ATG2A: variants seen among roughly 807,000 people sequenced by gnomAD.
The protein encoded by ATG2A is autophagy-related protein 2 homolog A.
A neutral mutation model predicts 214.2 loss-of-function variants in ATG2A; 103 were observed. The ratio of observed to expected loss-of-function variants is 0.48; its 90% confidence interval spans 0.41 to 0.57. The LOEUF (loss-of-function observed/expected upper bound fraction) is 0.57. Among genes scored for constraint, ATG2A ranks in the 20% least tolerant of loss-of-function variants. ATG2A has a pLI of 0.00. For synonymous variants in ATG2A, 1,160 were observed against 1,142.1 expected (o/e 1.02, Z -0.32); for missense variants, 2,312 against 2,613.2 (o/e 0.88, Z 2.51).
chr11:64,898,602 C>G lies in ATG2A; in HGVS notation c.4671+34G>C. The G allele has an allele frequency of 6.2e-7, 1 of 1,603,514 alleles. No individual in the cohort carries two copies. Among genetic ancestry groups the G allele is most frequent in the Non-Finnish European group, 8.5e-7 (1 of 1,171,004 alleles). On this transcript the variant is annotated intron_variant, in intron 32 of 40. Coordinates refer to ENST00000377264, the MANE Select transcript of ATG2A (RefSeq NM_015104.3). The surrounding 1 kb of genome is among the most constrained non-coding windows in gnomAD (Gnocchi z 4.5). ...GATGTATCCCCAACGGTCTGGTGCC[C>G]TGCCCCAGGGTGGATGGTGCAGGTC... is the stretch of plus-strand genomic sequence containing the variant.
chr11:64,895,019 T>C lies in ATG2A; in HGVS notation c.5771A>G (p.His1924Arg), dbSNP rs911843956. ...GMRNQIVPDA[H>R]KDHALKWRSD... Reference sequence around the variant, plus strand: ...GCGCCACTTGAGGGCGTGGTCCTTGTGGGCGTCGGGGACAATCTGGTTGCG... The same window carrying C: ...GCGCCACTTGAGGGCGTGGTCCTTGCGGGCGTCGGGGACAATCTGGTTGCG... Residue 1924 changes from histidine (H) to arginine (R), a missense_variant, in exon 41 of 41, where the codon CAC (histidine) becomes CGC (arginine). Physicochemically the swap from His to Arg is conservative, Grantham distance 29. Transcript: ENST00000377264. The surrounding 1 kb of genome is among the most constrained non-coding windows in gnomAD (Gnocchi z 5.0). The C allele has an allele frequency of 4.3e-6, 7 of 1,613,040 alleles. No homozygotes were observed. The African/African-American group carries it at 9.3e-5, about 22-fold the overall frequency.
rs1209494159 is a variant in ATG2A, at chr11:64,914,268, C to T, written c.335-35G>A. On this transcript the variant is annotated intron_variant, in intron 2 of 40. Coordinates refer to ENST00000377264, the MANE Select transcript of ATG2A (RefSeq NM_015104.3). ...GAAACAGGGTCTCAAGGCAGGCAGG[C>T]CCAGTCAGGTCCTGGACGCCCCAGC... The T allele has an allele frequency of 1.2e-5, 18 of 1,550,512 alleles. 1 individual carries two copies. In the South Asian group the frequency reaches 1.3e-4, roughly 11 times the overall value.
chr11:64,902,698 G>A lies in ATG2A; in HGVS notation c.3613-18C>T. ...GGCTGGCTCTGCAGGGGCGGGGTGG[G>A]GGGAGCAGCTATGTGAACACAGGGG... is the stretch of plus-strand genomic sequence containing the variant. On this transcript the variant is annotated intron_variant, in intron 26 of 40. Coordinates refer to ENST00000377264, the MANE Select transcript of ATG2A (RefSeq NM_015104.3). 1 of 1,602,404 alleles carries A rather than the reference G, an allele frequency of 6.2e-7. No individual in the cohort carries two copies. The highest frequency in any genetic ancestry group is 8.5e-7 in the Non-Finnish European group (1 of 1,174,268).
In ATG2A at chr11:64,896,731, C is replaced by T. The variant is rs1397028139; in HGVS notation, c.5272+17G>A. On this transcript the variant is annotated intron_variant, in intron 38 of 40. Coordinates refer to ENST00000377264, the MANE Select transcript of ATG2A (RefSeq NM_015104.3). ...GGGTAAAAGCAGTTTCGAGGGCTTC[C>T]AAACCTAGACACTCACAGAGCTGGA... 6.2e-7 allele frequency: 1 copy of T among 1,613,422 alleles called. No homozygotes were observed. Among genetic ancestry groups the T allele is most frequent in the South Asian group, 1.1e-5 (1 of 91,066 alleles).
chr11:64,896,704 A>G, intron 38 of ATG2A, 44 bp downstream of exon 38: 4 of 1,609,810 alleles, frequency 2.5e-6, no homozygotes, highest in Non-Finnish European at 3.4e-6. Context: ...TAGGTTGCCC[A>G]AGGGTAAAAG....
In ATG2A at chr11:64,909,673, G is replaced by A. The variant is rs1476839705; in HGVS notation, c.2107+8C>T. 1 of 1,609,442 alleles carries A rather than the reference G, an allele frequency of 6.2e-7. No homozygotes were observed. The highest frequency in any genetic ancestry group is 1.7e-5 in the Admixed American group (1 of 59,976). On this transcript the variant is annotated splice_region_variant and intron_variant, in intron 14 of 40. Transcript: ENST00000377264. ...TTGCCCCAAGTTCTGTCACTCGGGGGCTCTCACCATGTAGGTCGGAGCAGG... is the reference window on the plus strand; with the variant it reads ...TTGCCCCAAGTTCTGTCACTCGGGGACTCTCACCATGTAGGTCGGAGCAGG...
Position 64,905,643 on chromosome 11 carries a change from G to A in ATG2A, c.3384C>T (p.Leu1128=), listed in dbSNP as rs1325643625. The A allele has an allele frequency of 6.2e-7, 1 of 1,613,914 alleles. No homozygotes were observed. The highest frequency in any genetic ancestry group is 8.5e-7 in the Non-Finnish European group (1 of 1,179,936). ...CCGCGGTGATGAGGACACGCACTGG[G>A]AGGTAGAGTGGCCTGGGGGTGATAC... ...SCSVDYRPLY[L]PVRVLITAET... is the part of the protein sequence containing the mutation. The change falls in exon 24 of 41, where the codon CTC becomes CTT. Residue 1128 remains leucine (L), a synonymous_variant. Transcript: ENST00000377264.
Position 64,902,686 on chromosome 11 carries a change from G to A in ATG2A, c.3613-6C>T. 1 of 1,605,510 alleles carries A rather than the reference G, an allele frequency of 6.2e-7. No individual in the cohort carries two copies. The highest frequency in any genetic ancestry group is 8.5e-7 in the Non-Finnish European group (1 of 1,176,200). ...AGCTCGAATAGTGGCTGGCTCTGCA[G>A]GGGCGGGGTGGGGGGAGCAGCTATG... On this transcript the variant is annotated splice_region_variant and splice_polypyrimidine_tract_variant and intron_variant, in intron 26 of 40. Transcript: ENST00000377264.
chr11:64,901,085 T>C lies in ATG2A; in HGVS notation c.4127A>G (p.Asp1376Gly), dbSNP rs966546308. 2 of 1,563,140 alleles carry C rather than the reference T, an allele frequency of 1.3e-6. No individual in the cohort carries two copies. Among genetic ancestry groups the C allele is most frequent in the East Asian group, 2.4e-5 (1 of 41,762 alleles). The change falls in exon 30 of 41, where the codon GAT becomes GGT. Residue 1376 changes from aspartate (D) to glycine (G), a missense_variant. By Grantham distance (94) the Asp-to-Gly change is moderately conservative. Coordinates refer to ENST00000377264, the MANE Select transcript of ATG2A (RefSeq NM_015104.3). Reference sequence around the variant, plus strand: ...CAGCTGTGTCACCACAGGCTCCCCATCTCGGGGCTGCAGGGAGGCCAGGTA... The same window carrying C: ...CAGCTGTGTCACCACAGGCTCCCCACCTCGGGGCTGCAGGGAGGCCAGGTA... Reference protein sequence around the residue: ...DAPGLGIPPRDGEPVVTQLHP... With the variant: ...DAPGLGIPPRGGEPVVTQLHP...
Position 64,905,551 on chromosome 11 carries a change from C to T in ATG2A, c.3464+12G>A, listed in dbSNP as rs374120197. 9.2e-5 allele frequency: 148 copies of T among 1,605,442 alleles called. No homozygotes were observed. In the African/African-American group the frequency reaches 1.7e-3, roughly 18 times the overall value. On this transcript the variant is annotated intron_variant, in intron 24 of 40. Coordinates refer to ENST00000377264, the MANE Select transcript of ATG2A (RefSeq NM_015104.3). ...GAGGGTGGGATGGCCCAGTGTGGGGCGGCCTGCATACCTGAGCAGGAAGGT... is the reference window on the plus strand; with the variant it reads ...GAGGGTGGGATGGCCCAGTGTGGGGTGGCCTGCATACCTGAGCAGGAAGGT...
At chr11:64,896,293 G>A (rs1243516619) in intron 39 of ATG2A, among the ~76,000 whole-genome samples, 169 bp downstream of exon 39, 2 of 152,234 alleles carry the variant, frequency 1.3e-5, no homozygotes, top group African/African-American at 4.8e-5. Flanking sequence ...CTGGCTTGGA[G>A]GTCCCAGGCA....
chr11:64,896,467 T>G lies in ATG2A; in HGVS notation c.5422A>C (p.Ile1808Leu), dbSNP rs768115629. 7 of 1,611,684 alleles carry G rather than the reference T, an allele frequency of 4.3e-6. No individual in the cohort carries two copies. The highest frequency in any genetic ancestry group is 1.7e-5 in the Admixed American group (1 of 59,700). ...LELSNRLVQA[I>L]QATAETVYDI... ...GATACAGGGCACCCACTCACCTGGA[T>G]AGCCTGTACCAACCGGTTGCTGAGT... Residue 1808 changes from isoleucine to leucine, a missense_variant, in exon 39 of 41, where the codon ATC (isoleucine) becomes CTC (leucine). By Grantham distance (5) the Ile-to-Leu change is conservative (BLOSUM62 2). Coordinates refer to ENST00000377264, the MANE Select transcript of ATG2A (RefSeq NM_015104.3).
intron 37 of ATG2A, 71 bp from the exon 38 acceptor site, chr11:64,896,940 A>G: frequency 6.3e-7 from 1 of 1,581,260 alleles, no homozygotes. Flanking sequence ...TGGGGTCAGG[A>G]GGACTCAGTA....
chr11:64,912,514 G>A, intron 6 of ATG2A, 91 bp from the exon 7 acceptor site: 1 of 1,120,110 alleles, frequency 8.9e-7, no homozygotes. Flanking sequence ...TGGGAAAGCA[G>A]GATGCTGGCT....
At position 64,917,084 on chromosome 11, in the gene ATG2A, G is replaced by C; in HGVS notation, c.52C>G (p.Arg18Gly). The C allele has an allele frequency of 5.6e-6, 9 of 1,613,474 alleles. No individual in the cohort carries two copies. Among genetic ancestry groups the C allele is most frequent in the Non-Finnish European group, 6.8e-6 (8 of 1,179,968 alleles). Residue 18 changes from arginine (R) to glycine (G), a missense_variant, in exon 1 of 41, where the codon CGC becomes GGC. Arg to Gly is a moderately radical substitution (Grantham distance 125, BLOSUM62 -2). Transcript: ENST00000377264. ...WSNCVKERVC[R>G]YLLHHYLGHF... ...CCTAAGTAGTGGTGCAGCAAGTAGC[G>C]GCAGACCCGCTCTTTCACACAGTTT... is the stretch of plus-strand genomic sequence containing the variant.
Position 64,910,209 on chromosome 11 carries a change from C to T in ATG2A, c.1708-14G>A, listed in dbSNP as rs538554578. 11 of 1,581,870 alleles carry T rather than the reference C, an allele frequency of 7.0e-6. No individual in the cohort carries two copies. The highest frequency in any genetic ancestry group is 6.7e-5 in the East Asian group (3 of 44,680). ...CCGGGGTCGGCTCTGAGGGCGAGGG[C>T]GTTCAGGTCAGTGAGGGCTGAGTGG... On this transcript the variant is annotated splice_polypyrimidine_tract_variant and intron_variant, in intron 12 of 40. Transcript: ENST00000377264.
rs774619417 is a variant in ATG2A at position 64,906,153 on chromosome 11, C to T, written c.3224G>A (p.Arg1075His). 44 of 1,602,210 alleles carry T rather than the reference C, an allele frequency of 2.7e-5. No individual in the cohort carries two copies. The highest frequency in any genetic ancestry group is 3.4e-5 in the Non-Finnish European group (40 of 1,174,726). The part of the protein sequence containing the change: ...VTLRLHKATL[R>H]HYMALPEQSW... Reference sequence around the variant, plus strand: ...CTGCTCGGGCAGGGCCATGTAGTGGCGCAAGGTGGCTTTGTGCAACCGCAG... The same window carrying T: ...CTGCTCGGGCAGGGCCATGTAGTGGTGCAAGGTGGCTTTGTGCAACCGCAG... Residue 1075 changes from arginine (R) to histidine (H), a missense_variant, in exon 22 of 41, where the codon CGC becomes CAC. Coordinates refer to ENST00000377264, the MANE Select transcript of ATG2A (RefSeq NM_015104.3).
At position 64,913,630 on chromosome 11, in the gene ATG2A, G is replaced by T; in HGVS notation, c.590+191C>A. The T allele has an allele frequency of 1.3e-6, 1 of 783,554 alleles. No homozygotes were observed. Among genetic ancestry groups the T allele is most frequent in the South Asian group, 1.8e-5 (1 of 55,224 alleles). The allele number at this position is 783,554 out of a possible 1,614,324, so 48.5% of individuals were successfully genotyped here. On this transcript the variant is annotated intron_variant, in intron 4 of 40. Transcript: ENST00000377264. The surrounding 1 kb of genome is among the most constrained non-coding windows in gnomAD (Gnocchi z 4.3). The stretch of plus-strand genomic sequence containing the variant: ...GTTCTTGGGGCCTCGGCCACTCTGG[G>T]CCTGTATCACCTGGCCTCTGGACAC...
chr11:64,916,740 A>C (rs1372319923), intron 1 of ATG2A, among the ~76,000 whole-genome samples: 1 of 152,074 alleles, frequency 6.6e-6, no homozygotes, highest in Non-Finnish European at 1.5e-5. Context: ...CTCCAGCCTC[A>C]GTTTCTCCTC....
Sources: gnomAD v4.1 joint callset for allele counts (sites outside exome capture counted in the v4.1 genomes callset) on GRCh38, gnomAD v4.1.1 for gene constraint, Gnocchi (gnomAD v3.1) non-coding constraint, MANE v1.5 for transcripts, NCBI Gene and HGNC (gene_info 2026-07-23, HGNC 2026-07-21) for gene names.